Variants in IRAK3 observed in about 807,000 individuals in gnomAD.
The protein encoded by IRAK3 is interleukin-1 receptor-associated kinase 3.
In IRAK3, 57 loss-of-function variants were observed where a neutral mutation model predicts 56.6. That is an observed-to-expected ratio of 1.01 (90% CI 0.81 to 1.26). IRAK3 has a LOEUF of 1.26. Among genes scored for constraint, IRAK3 ranks in the 50% most tolerant of loss-of-function variants. IRAK3 has a pLI of 0.00. For missense variants in IRAK3, 703 were observed against 719.0 expected (o/e 0.98, Z 0.25); for synonymous variants, 258 against 255.7 (o/e 1.01, Z -0.09).
chr12:66,193,936 T>C (rs2052424351), intron 1 of IRAK3, among the ~76,000 whole-genome samples: 2 of 152,142 alleles, frequency 1.3e-5, no homozygotes, highest in African/African-American at 2.4e-5. Context: ...GTGTTGCTGT[T>C]GTTGTTTTGG....
chr12:66,245,398 A>G (rs1396199136), intron 11 of IRAK3, 136 bp downstream of exon 11: 1 of 935,780 alleles, frequency 1.1e-6, no homozygotes. Flanking sequence ...CCAACATAAT[A>G]GTGTTTCCAG....
chr12:66,194,435 C>T (rs1565797302), intron 1 of IRAK3, among the ~76,000 whole-genome samples: 1 of 152,204 alleles, frequency 6.6e-6, no homozygotes, highest in East Asian at 1.9e-4. Context: ...GAAGTCACTA[C>T]AGCTAAATCC....
rs1037617462 is a variant in IRAK3, at chr12:66,197,972, T to G, written c.134-5739T>G. ...AAAGTATGGAATGAAAAGCTGACAT[T>G]CCCTGGGACTTGAAATGTTAACTCT... is the stretch of plus-strand genomic sequence containing the variant. On this transcript the variant is annotated intron_variant, in intron 1 of 11. Coordinates refer to ENST00000261233, the MANE Select transcript of IRAK3 (RefSeq NM_007199.3). 3.0e-6 allele frequency: 3 copies of G among 985,306 alleles called. No individual in the cohort carries two copies. In the Admixed American group the frequency reaches 1.8e-4, roughly 61 times the overall value. 61.0% of individuals were successfully genotyped at this position (985,306 alleles called of 1,614,324 possible).
chr12:66,235,535 G>T (rs1048015140), intron 8 of IRAK3, among the ~76,000 whole-genome samples: 21 of 151,932 alleles, frequency 1.4e-4, no homozygotes, highest in Middle Eastern at 3.2e-3. Context: ...CCGCCGCTCT[G>T]CGTGCCATGG....
At chr12:66,225,520 A>G (rs990024682) in intron 6 of IRAK3, among the ~76,000 whole-genome samples, 2 of 152,142 alleles carry the variant, frequency 1.3e-5, no homozygotes, top group African/African-American at 4.8e-5. Context: ...GCAGAAATGA[A>G]TAATAGGTTT....
chr12:66,192,172 C>T (rs1463611251), intron 1 of IRAK3, among the ~76,000 whole-genome samples: 1 of 152,226 alleles, frequency 6.6e-6, no homozygotes, highest in Non-Finnish European at 1.5e-5. Context: ...AGGCCAAATT[C>T]TCTTTTTTAA....
chr12:66,236,578 A>T (rs555910555), intron 8 of IRAK3, among the ~76,000 whole-genome samples: 5 of 151,390 alleles, frequency 3.3e-5, no homozygotes, highest in Non-Finnish European at 7.4e-5. Flanking sequence ...AAAAAAAAAA[A>T]GGAAAAGAAA....
At chr12:66,193,284 A>T (rs908684483) in intron 1 of IRAK3, among the ~76,000 whole-genome samples, 1 of 152,136 alleles carries the variant, frequency 6.6e-6, no homozygotes, top group African/African-American at 2.4e-5. Flanking sequence ...AAGTGCTGGG[A>T]TTACAGGCGT....
intron 1 of IRAK3, among the ~76,000 whole-genome samples, chr12:66,191,298 C>T (rs760400774): frequency 1.1e-4 from 17 of 152,102 alleles, no homozygotes; most frequent in African/African-American, 4.1e-4. Flanking sequence ...TTATTCAAGT[C>T]CTGGCCATTT....
At chr12:66,217,058 T>C in intron 5 of IRAK3, 113 bp from the exon 6 acceptor site, 2 of 783,016 alleles carry the variant, frequency 2.6e-6, no homozygotes, top group Non-Finnish European at 4.6e-6. Context: ...AAAGTGTTCA[T>C]ATGTGTTTAC....
rs978889965 is a variant in IRAK3, at chr12:66,248,574, G to A, written c.*403G>A. The A allele has an allele frequency of 6.3e-6, 1 of 159,868 alleles. No individual in the cohort carries two copies. The highest frequency in any genetic ancestry group is 2.4e-5 in the African/African-American group (1 of 41,598). 9.9% of individuals were successfully genotyped at this position (159,868 alleles called of 1,614,324 possible). ...ACATTCAGTTGGATTCCATCGTTTG[G>A]TTTAGCTTGCTTGCACGGGTTGTAG... On this transcript the variant is annotated 3_prime_UTR_variant, in exon 12 of 12. Coordinates refer to ENST00000261233, the MANE Select transcript of IRAK3 (RefSeq NM_007199.3).
intron 1 of IRAK3, among the ~76,000 whole-genome samples, chr12:66,194,479 A>G (rs970412956): frequency 4.6e-5 from 7 of 152,152 alleles, no homozygotes; most frequent in Non-Finnish European, 7.4e-5. Flanking sequence ...CTTATTTGAT[A>G]TAGTTGATCA....
At chr12:66,235,566 C>G (rs888146653) in intron 8 of IRAK3, among the ~76,000 whole-genome samples, 1 of 151,884 alleles carries the variant, frequency 6.6e-6, no homozygotes, top group Non-Finnish European at 1.5e-5. Context: ...GCGCGCGGAG[C>G]TGGCGGCGTC....
chr12:66,228,259 C>T lies in IRAK3; in HGVS notation c.776C>T (p.Thr259Met), dbSNP rs146410666. ...LFDRLQCVGD[T>M]APLPWHIRIG... is the part of the protein sequence containing the mutation. ...TTGCTGTTGTTGTTTTAGGGTGACA[C>T]GGCCCCACTCCCTTGGCACATTCGA... is the stretch of plus-strand genomic sequence containing the variant. Residue 259 changes from threonine (T) to methionine (M), a missense_variant, in exon 8 of 12, where the codon ACG becomes ATG. Coordinates refer to ENST00000261233, the MANE Select transcript of IRAK3 (RefSeq NM_007199.3). 67 of 1,612,790 alleles carry T rather than the reference C, an allele frequency of 4.2e-5. No individual in the cohort carries two copies. Among genetic ancestry groups the T allele is most frequent in the Non-Finnish European group, 5.1e-5 (60 of 1,178,880 alleles).
intron 8 of IRAK3, among the ~76,000 whole-genome samples, chr12:66,232,963 C>A (rs559173712): frequency 6.6e-6 from 1 of 151,648 alleles, no homozygotes; most frequent in Admixed American, 6.6e-5. Context: ...TGATGAGTCA[C>A]AAAAGACTTT....
intron 1 of IRAK3, among the ~76,000 whole-genome samples, chr12:66,196,066 A>G (rs1327690479): frequency 6.6e-6 from 1 of 151,812 alleles, no homozygotes; most frequent in African/African-American, 2.4e-5. Context: ...TATGTATGTA[A>G]GTATCTCTAT....
intron 8 of IRAK3, among the ~76,000 whole-genome samples, chr12:66,229,704 T>C (rs1398034474): frequency 6.6e-6 from 1 of 152,154 alleles, no homozygotes; most frequent in East Asian, 1.9e-4. Flanking sequence ...ATGAGGGTCT[T>C]CAGTCAGTGG....
rs552170310 is a variant in IRAK3 at position 66,245,407 on chromosome 12, A to G, written c.1314+145A>G. ...AGAATTCCAACATAATAGTGTTTCC[A>G]GGTCAAAAAGCCACATCATTTGGTA... is the stretch of plus-strand genomic sequence containing the variant. On this transcript the variant is annotated intron_variant, in intron 11 of 11. Coordinates refer to ENST00000261233, the MANE Select transcript of IRAK3 (RefSeq NM_007199.3). The G allele has an allele frequency of 3.1e-5, 27 of 869,388 alleles. 1 individual carries two copies. The South Asian group carries it at 3.8e-4, about 12-fold the overall frequency. 53.9% of individuals were successfully genotyped at this position (869,388 alleles called of 1,614,324 possible). A position where few individuals can be genotyped will look rare whatever the true frequency, so the allele number is the denominator to read the frequency against.
intron 7 of IRAK3, 40 bp from the exon 8 acceptor site, chr12:66,228,212 T>C (rs2052807963): frequency 7.0e-7 from 1 of 1,434,136 alleles, no homozygotes; most frequent in Non-Finnish European, 9.8e-7. Context: ...TAGTTTTTAC[T>C]CAGAAAGTGC....
Sources: allele counts gnomAD v4.1 joint callset (sites outside exome capture counted in the v4.1 genomes callset), GRCh38; gene constraint gnomAD v4.1.1; transcripts MANE v1.5; gene names NCBI Gene and HGNC (gene_info 2026-07-23, HGNC 2026-07-21).